RHPN1: variants seen among roughly 807,000 people sequenced by gnomAD.
The protein encoded by RHPN1 is rhophilin-1.
A neutral mutation model predicts 74.7 loss-of-function variants in RHPN1; 77 were observed. The observed-to-expected ratio is 1.03, with a 90% CI of 0.86 to 1.25. The LOEUF (loss-of-function observed/expected upper bound fraction) is 1.25, where lower values mean the gene tolerates loss of function less well. Ranked by LOEUF, RHPN1 falls within the 50% of genes most tolerant of loss-of-function variation. The probability of loss-of-function intolerance (pLI) is 0.00; values close to 1 mark genes in which losing one functional copy is unlikely to be tolerated. For synonymous variants in RHPN1, 444 were observed against 414.5 expected (o/e 1.07, Z -0.87); for missense variants, 987 against 932.2 (o/e 1.06, Z -0.77).
chr8:143,374,369 G>A (rs965757428), intron 1 of RHPN1: 5 of 960,264 alleles, frequency 5.2e-6, no homozygotes, highest in Admixed American at 6.2e-5. Context: ...CCTGTCTCCC[G>A]ACAAGGGCGG....
Position 143,382,554 on chromosome 8 carries a change from G to A in RHPN1, c.1916G>A (p.Arg639Gln), listed in dbSNP as rs773302154. ...ASPRPLLNWSRKAQQGKTGGC... is the reference protein window; with the variant it reads ...ASPRPLLNWSQKAQQGKTGGC... ...CCCCGGCCCCTCCTCAACTGGAGCCGAAAGGCCCAGCAGGGCAAGACTGGA... is the reference window on the plus strand; with the variant it reads ...CCCCGGCCCCTCCTCAACTGGAGCCAAAAGGCCCAGCAGGGCAAGACTGGA... Residue 639 changes from arginine to glutamine, a missense_variant, in exon 15 of 15, where the codon CGA becomes CAA. Arg to Gln is a conservative substitution (Grantham distance 43). Coordinates refer to ENST00000289013, the MANE Select transcript of RHPN1 (RefSeq NM_052924.3). 1.4e-5 allele frequency: 22 copies of A among 1,611,430 alleles called. No homozygotes were observed. The highest frequency in any genetic ancestry group is 2.7e-5 in the African/African-American group (2 of 74,904).
At chr8:143,375,037 G>T (rs1050323901) in intron 1 of RHPN1, among the ~76,000 whole-genome samples, 5 of 152,124 alleles carry the variant, frequency 3.3e-5, no homozygotes, top group South Asian at 2.1e-4. Context: ...GCCAGTGGCC[G>T]CCCCCAGAGC....
At position 143,377,381 on chromosome 8, in the gene RHPN1, G is replaced by A. The variant is rs150183295; in HGVS notation, c.307G>A (p.Glu103Lys). 48 of 1,612,632 alleles carry A rather than the reference G, an allele frequency of 3.0e-5. No individual in the cohort carries two copies. Among genetic ancestry groups the A allele is most frequent in the East Asian group, 2.9e-4 (13 of 44,878 alleles). Residue 103 changes from glutamate to lysine, a missense_variant and splice_region_variant, in exon 4 of 15, where the codon GAA (glutamate) becomes AAA (lysine). Transcript: ENST00000289013. The stretch of plus-strand genomic sequence containing the variant: ...TGAAGTCGATGCTTCTGGTTACAGC[G>A]AAGCTGTCACTGTCCCCATGATCCC... ...GGVDPGRHGS[E>K]AVTVPMIPLG...
At chr8:143,366,318 CCCT>C (rs1316704980), upstream of RHPN1, among the ~76,000 whole-genome samples, 1 of 152,082 alleles carries the variant, frequency 6.6e-6, no homozygotes, top group African/African-American at 2.4e-5. Context: ...TCATTTTTCC[CCCT>C]AAATTTTTAA....
upstream of RHPN1, among the ~76,000 whole-genome samples, chr8:143,364,268 C>G (rs947083159): frequency 6.6e-6 from 1 of 152,238 alleles, no homozygotes. The surrounding 1 kb of genome is among the most constrained non-coding windows in gnomAD (Gnocchi z 4.5). Context: ...TCCCCATATC[C>G]TTTTCTTTTT....
Position 143,381,281 on chromosome 8 carries a change from G to C in RHPN1, c.1425G>C (p.Gln475His), listed in dbSNP as rs915270618. 6 of 1,612,970 alleles carry C rather than the reference G, an allele frequency of 3.7e-6. No individual in the cohort carries two copies. In the African/African-American group the frequency reaches 4.0e-5, roughly 11 times the overall value. Residue 475 changes from glutamine to histidine, a missense_variant, in exon 12 of 15, where the codon CAG becomes CAC. Gln to His is a conservative substitution (Grantham distance 24). Transcript: ENST00000289013. ...ACACCCTCTCAGCTAAGACCCACCAGAAGCCAGAGGCCAGGATGCCACGCC... is the reference window on the plus strand; with the variant it reads ...ACACCCTCTCAGCTAAGACCCACCACAAGCCAGAGGCCAGGATGCCACGCC... The part of the protein sequence containing the change: ...EAPDIQPKTH[Q>H]KPEARMPRLS...
At chr8:143,381,503 T>C in intron 12 of RHPN1, 69 bp from the exon 13 acceptor site, 1 of 1,537,164 alleles carries the variant, frequency 6.5e-7, no homozygotes, top group Non-Finnish European at 8.8e-7. Flanking sequence ...GTTGGATGGA[T>C]GTGCTAGTCA....
chr8:143,379,992 G>A lies in RHPN1; in HGVS notation c.1102+7G>A. The A allele has an allele frequency of 1.9e-6, 3 of 1,557,670 alleles. No homozygotes were observed. The highest frequency in any genetic ancestry group is 1.7e-6 in the Non-Finnish European group (2 of 1,151,804). ...GCCCTCTGCGACGGCTCCCGTGAGT[G>A]CCCACCACACTTGCCCATGGTACTG... is the stretch of plus-strand genomic sequence containing the variant. On this transcript the variant is annotated splice_region_variant and intron_variant, in intron 9 of 14. Coordinates refer to ENST00000289013, the MANE Select transcript of RHPN1 (RefSeq NM_052924.3).
At chr8:143,367,941 C>A (rs950116144), upstream of RHPN1, 1 of 152,298 alleles carries the variant, frequency 6.6e-6, no homozygotes, top group African/African-American at 2.4e-5. Context: ...GCCGGGTGAG[C>A]CCCGCAGGGA....
chr8:143,369,810 G>T (rs1172602897), intron 1 of RHPN1, among the ~76,000 whole-genome samples: 2 of 152,218 alleles, frequency 1.3e-5, no homozygotes, highest in Admixed American at 1.3e-4. Flanking sequence ...CTTTGATAGC[G>T]CGCGGCCCTC....
chr8:143,378,599 C>T (rs1054331180), intron 5 of RHPN1, 97 bp from the exon 6 acceptor site: 30 of 1,448,312 alleles, frequency 2.1e-5, no homozygotes, highest in South Asian at 5.3e-5. Flanking sequence ...TTTGCCTCCC[C>T]GCCCCCCATG....
In RHPN1 at chr8:143,382,502, A is replaced by G. The variant is rs755660304; in HGVS notation, c.1864A>G (p.Lys622Glu). 1.2e-6 allele frequency: 2 copies of G among 1,607,306 alleles called. No homozygotes were observed. The highest frequency in any genetic ancestry group is 1.7e-5 in the Admixed American group (1 of 59,252). Residue 622 changes from lysine to glutamate, a missense_variant, in exon 15 of 15, where the codon AAG (lysine) becomes GAG (glutamate). Transcript: ENST00000289013. The part of the protein sequence containing the change: ...LLRSQREHGC[K>E]TPASTWASPR... ...AAGGAGCCAGAGGGAGCATGGTTGC[A>G]AGACCCCGGCATCCACGTGGGCCAG...
chr8:143,366,396 TA>T (rs964750148), upstream of RHPN1, among the ~76,000 whole-genome samples: 160 of 151,860 alleles, frequency 1.1e-3, no homozygotes, highest in Non-Finnish European at 1.9e-3. Context: ...TAAAATAATT[TA>T]AAAAAACAAA....
At chr8:143,371,202 C>T (rs955225045) in intron 1 of RHPN1, among the ~76,000 whole-genome samples, 5 of 152,196 alleles carry the variant, frequency 3.3e-5, no homozygotes, top group African/African-American at 1.2e-4. Flanking sequence ...CCCTGTGTCC[C>T]AGGAGACACC....
intron 3 of RHPN1, among the ~76,000 whole-genome samples, chr8:143,376,988 C>G (rs999696181): frequency 6.8e-6 from 1 of 146,770 alleles, no homozygotes; most frequent in African/African-American, 2.5e-5. Context: ...GTGTGCATGT[C>G]TGCGTGTATG....
intron 1 of RHPN1, among the ~76,000 whole-genome samples, chr8:143,369,452 C>T (rs932726762): frequency 6.6e-6 from 1 of 152,206 alleles, no homozygotes; most frequent in Admixed American, 6.5e-5. Context: ...ACTGCATGCC[C>T]ATTGGGTGCA....
chr8:143,375,706 C>CCCCCT, intron 2 of RHPN1, 38 bp downstream of exon 2: 1 of 1,498,932 alleles, frequency 6.7e-7, no homozygotes, highest in Non-Finnish European at 9.1e-7. Flanking sequence ...GGAGCAGGGC[C>CCCCCT]CACCTGGGTG....
intron 7 of RHPN1, 54 bp from the exon 8 acceptor site, chr8:143,379,261 G>T (rs1818517120): frequency 3.4e-6 from 5 of 1,492,458 alleles, no homozygotes; most frequent in Non-Finnish European, 3.6e-6. Context: ...GCTGCATGGG[G>T]CAGAGATGGG....
intron 1 of RHPN1, among the ~76,000 whole-genome samples, chr8:143,371,175 G>A (rs893266490): frequency 1.8e-4 from 28 of 152,296 alleles, no homozygotes; most frequent in Middle Eastern, 6.8e-3. Flanking sequence ...TTCCTCTGGC[G>A]TGCGTGCTGC....
Sources: allele counts gnomAD v4.1 joint callset (sites outside exome capture counted in the v4.1 genomes callset), GRCh38; gene constraint gnomAD v4.1.1; non-coding constraint Gnocchi (gnomAD v3.1); transcripts MANE v1.5; gene names NCBI Gene and HGNC (gene_info 2026-07-23, HGNC 2026-07-21).